The following SCARB1 variants were observed in gnomAD, a reference collection of about 807,000 sequenced individuals.
The protein encoded by SCARB1 is scavenger receptor class B member 1, also known as CD36 and LIMPII analogous 1.
SCARB1 carries 30 observed loss-of-function variants against 57.2 expected under a neutral mutation model. The observed-to-expected ratio is 0.52, with a 90% CI of 0.39 to 0.71. SCARB1 has a LOEUF of 0.71. Among genes scored for constraint, SCARB1 ranks in the 30% least tolerant of loss-of-function variants. The probability of loss-of-function intolerance (pLI) is 0.00; values close to 1 mark genes in which losing one functional copy is unlikely to be tolerated. For synonymous variants in SCARB1, 249 were observed against 268.3 expected, an observed-to-expected ratio of 0.93 and a Z score of 0.70; for missense variants, 543 against 671.2, an observed-to-expected ratio of 0.81 and a Z score of 2.11.
Position 124,807,826 on chromosome 12 carries a change from G to C in SCARB1, c.944C>G (p.Pro315Arg). 5.0e-6 allele frequency: 8 copies of C among 1,614,172 alleles called. No individual in the cohort carries two copies. Among genetic ancestry groups the C allele is most frequent in the Non-Finnish European group, 6.8e-6 (8 of 1,180,008 alleles). Residue 315 changes from proline (P) to arginine (R), a missense_variant, in exon 7 of 13, where the codon CCA becomes CGA. Physicochemically the swap from Pro to Arg is moderately radical, Grantham distance 103. Coordinates refer to ENST00000261693, the MANE Select transcript of SCARB1 (RefSeq NM_005505.5). The surrounding 1 kb of genome is among the most constrained non-coding windows in gnomAD (Gnocchi z 5.3). ...KTLFANGSIY[P>R]PNEGFCPCLE... ...GCACGGGCAGAAGCCTTCGTTGGGT[G>C]GGTAGATGGACCCGTTGGCAAACAG... is the stretch of plus-strand genomic sequence containing the variant.
At chr12:124,836,021 G>GCATT (rs771635903) in intron 1 of SCARB1, among the ~76,000 whole-genome samples, 19 of 152,174 alleles carry the variant, frequency 1.2e-4, no homozygotes, top group African/African-American at 1.4e-4. Flanking sequence ...TGAGAACGTG[G>GCATT]CATTCATTCA....
chr12:124,815,527 C>T (rs1950678309), intron 2 of SCARB1, among the ~76,000 whole-genome samples: 1 of 152,202 alleles, frequency 6.6e-6, no homozygotes, highest in Non-Finnish European at 1.5e-5. Flanking sequence ...CTTATGATCT[C>T]TCATCTCTCC....
chr12:124,850,960 C>A (rs935815091), intron 1 of SCARB1, among the ~76,000 whole-genome samples: 1 of 152,184 alleles, frequency 6.6e-6, no homozygotes, highest in Non-Finnish European at 1.5e-5. Context: ...TCTCTGTGGG[C>A]AAGAACTACT....
chr12:124,789,147 C>G lies in SCARB1; in HGVS notation c.1203-1690G>C, dbSNP rs1322079287. ...ACTGCAGAAACGTCACAGGCATGAC[C>G]TCATCCAGGCTATCAAGGTCGACAT... On this transcript the variant is annotated intron_variant, in intron 9 of 12. Transcript: ENST00000261693. The surrounding 1 kb of genome is among the most constrained non-coding windows in gnomAD (Gnocchi z 4.4). 6.6e-6 allele frequency among the ~76,000 whole-genome samples: 1 copy of G among 152,130 alleles called. No individual in the cohort carries two copies. The highest frequency in any genetic ancestry group is 1.5e-5 in the Non-Finnish European group (1 of 68,026).
At chr12:124,788,927 T>A (rs2135550793) in intron 9 of SCARB1, among the ~76,000 whole-genome samples, 1 of 152,172 alleles carries the variant, frequency 6.6e-6, no homozygotes, top group East Asian at 1.9e-4. Context: ...TATATGAATG[T>A]AAATAAGTAG....
At chr12:124,792,938 T>C (rs1352054893) in intron 9 of SCARB1, among the ~76,000 whole-genome samples, 4 of 152,006 alleles carry the variant, frequency 2.6e-5, no homozygotes, top group Non-Finnish European at 5.9e-5. Context: ...GTCACCCACT[T>C]GGCCCCAGTT....
rs943336906 is a variant in SCARB1, at chr12:124,817,277, T to C, written c.284+273A>G. Among the ~76,000 whole-genome samples, 1 of 148,066 alleles carries C rather than the reference T, an allele frequency of 6.8e-6. No homozygotes were observed. The highest frequency in any genetic ancestry group is 2.5e-5 in the African/African-American group (1 of 39,654). On this transcript the variant is annotated intron_variant, in intron 2 of 12. Coordinates refer to ENST00000261693, the MANE Select transcript of SCARB1 (RefSeq NM_005505.5). The surrounding 1 kb of genome is among the most constrained non-coding windows in gnomAD (Gnocchi z 4.8). Reference sequence around the variant, plus strand: ...ATTCGCACCTGTAATCCCAGCACTTTGAGAGGCTGAGGCGGAGGATCGCTT... The same window carrying C: ...ATTCGCACCTGTAATCCCAGCACTTCGAGAGGCTGAGGCGGAGGATCGCTT...
chr12:124,807,963 G>A lies in SCARB1; in HGVS notation c.843-36C>T. 6.2e-7 allele frequency: 1 copy of A among 1,609,448 alleles called. No homozygotes were observed. The highest frequency in any genetic ancestry group is 2.2e-5 in the East Asian group (1 of 44,852). Reference sequence around the variant, plus strand: ...CAGACAGGATGAGAGGGGACACCCAGACCCGGCGGCCAGAGCCAGGCCCTG... The same window carrying A: ...CAGACAGGATGAGAGGGGACACCCAAACCCGGCGGCCAGAGCCAGGCCCTG... On this transcript the variant is annotated intron_variant, in intron 6 of 12. Coordinates refer to ENST00000261693, the MANE Select transcript of SCARB1 (RefSeq NM_005505.5). This position sits in a 1 kb window ranked among gnomAD's most constrained non-coding sequence, Gnocchi z 5.3.
chr12:124,827,799 C>T (rs1056897659), intron 1 of SCARB1, among the ~76,000 whole-genome samples: 3 of 152,204 alleles, frequency 2.0e-5, no homozygotes, highest in East Asian at 1.9e-4. Flanking sequence ...AAACTCCTGA[C>T]CTCCCGACCT....
At chr12:124,795,941 GGTA>G (rs1176040837) in intron 8 of SCARB1, among the ~76,000 whole-genome samples, 3 of 152,058 alleles carry the variant, frequency 2.0e-5, no homozygotes, top group Non-Finnish European at 4.4e-5. Flanking sequence ...TCCTATTTGA[GGTA>G]GTAAGAAAAA....
chr12:124,811,995 AGGC>A, intron 4 of SCARB1, 30 bp from the exon 5 acceptor site: 1 of 1,560,356 alleles, frequency 6.4e-7, no homozygotes, highest in Non-Finnish European at 8.8e-7. Context: ...CAGCATCGTA[AGGC>A]TTAGGCCTGC....
chr12:124,834,721 A>G (rs1282276165), intron 1 of SCARB1, among the ~76,000 whole-genome samples: 1 of 152,186 alleles, frequency 6.6e-6, no homozygotes, highest in African/African-American at 2.4e-5. Context: ...TCTGGGCAAC[A>G]TAGCAAGATC....
In SCARB1 at chr12:124,810,214, G is replaced by C; in HGVS notation, c.802C>G (p.Pro268Ala). 1 of 1,614,132 alleles carries C rather than the reference G, an allele frequency of 6.2e-7. No homozygotes were observed. Among genetic ancestry groups the C allele is most frequent in the Non-Finnish European group, 8.5e-7 (1 of 1,179,960 alleles). The change falls in exon 6 of 13, where the codon CCT becomes GCT. Residue 268 changes from proline (P) to alanine (A), a missense_variant. Pro to Ala is a conservative substitution (Grantham distance 27). Transcript: ENST00000261693. This position sits in a 1 kb window ranked among gnomAD's most constrained non-coding sequence, Gnocchi z 4.0. ...CTGTAGAACTCCAGCGAGGACTCAGGAGTCATGAAGGGCGGCCACATTTGC... is the reference window on the plus strand; with the variant it reads ...CTGTAGAACTCCAGCGAGGACTCAGCAGTCATGAAGGGCGGCCACATTTGC... Reference protein sequence around the residue: ...SGQMWPPFMTPESSLEFYSPE... With the variant: ...SGQMWPPFMTAESSLEFYSPE...
At position 124,814,580 on chromosome 12, in the gene SCARB1, G is replaced by A. The variant is rs1950633043; in HGVS notation, c.427-175C>T. 6.6e-6 allele frequency among the ~76,000 whole-genome samples: 1 copy of A among 152,120 alleles called. No homozygotes were observed. Among genetic ancestry groups the A allele is most frequent in the Admixed American group, 6.5e-5 (1 of 15,270 alleles). Reference sequence around the variant, plus strand: ...ACCAGAACCACCCTCTGCTCCTCCAGTGCCAAGGCCACATGTGCTCCCGAG... The same window carrying A: ...ACCAGAACCACCCTCTGCTCCTCCAATGCCAAGGCCACATGTGCTCCCGAG... On this transcript the variant is annotated intron_variant, in intron 3 of 12. Transcript: ENST00000261693. The surrounding 1 kb of genome is among the most constrained non-coding windows in gnomAD (Gnocchi z 4.7).
chr12:124,841,859 A>G (rs1410555699), intron 1 of SCARB1, among the ~76,000 whole-genome samples: 4 of 151,810 alleles, frequency 2.6e-5, no homozygotes, highest in Non-Finnish European at 5.9e-5. Context: ...CACCTCTTCC[A>G]TGTGCTTCTC....
At chr12:124,825,150 A>C (rs12305799) in intron 1 of SCARB1, among the ~76,000 whole-genome samples, 181 of 146,362 alleles carry the variant, frequency 1.2e-3, no homozygotes, top group African/African-American at 4.3e-3. Flanking sequence ...GCTTGAATCC[A>C]GGAGGCGGAG....
Position 124,782,666 on chromosome 12 carries a change from C to T in SCARB1, c.*17G>A. 1.9e-6 allele frequency: 3 copies of T among 1,613,304 alleles called. No homozygotes were observed. The highest frequency in any genetic ancestry group is 1.7e-6 in the Non-Finnish European group (2 of 1,179,564). On this transcript the variant is annotated intron_variant, in intron 12 of 12. Transcript: ENST00000261693. ...TGGGAGGGGGCGGGGAGGCGCACGGCATTACCTGGTACCCACCTACAGTTT... is the reference window on the plus strand; with the variant it reads ...TGGGAGGGGGCGGGGAGGCGCACGGTATTACCTGGTACCCACCTACAGTTT...
rs189272644 is a variant in SCARB1, at chr12:124,791,708, G to A, written c.1202+3487C>T. ...GCAGTGGCTCACGCCTGTAATCCCA[G>A]CACTTTGGGAGGCTGAGGCAGGTGA... On this transcript the variant is annotated intron_variant, in intron 9 of 12. Transcript: ENST00000261693. Among the ~76,000 whole-genome samples the A allele has an allele frequency of 8.2e-3, 1,243 of 152,260 alleles. 21 individuals carry two copies. The highest frequency in any genetic ancestry group is 0.028 in the African/African-American group (1,183 of 41,514).
rs375977532 is a variant in SCARB1 at position 124,796,403 on chromosome 12, C to CTT, written c.1129-1137_1129-1136dup. ...CTATACCCAGCTCTTTTTAACGAGA[C>CTT]TTTTTTTTTTAAGTAAATAACCGAA... On this transcript the variant is annotated intron_variant, in intron 8 of 12. Coordinates refer to ENST00000261693, the MANE Select transcript of SCARB1 (RefSeq NM_005505.5). The surrounding 1 kb of genome is among the most constrained non-coding windows in gnomAD (Gnocchi z 4.0). 9.3e-5 allele frequency among the ~76,000 whole-genome samples: 14 copies of CTT among 149,828 alleles called. No individual in the cohort carries two copies. The highest frequency in any genetic ancestry group is 2.4e-4 in the African/African-American group (10 of 40,942).
Sources: gnomAD v4.1 joint callset for allele counts (sites outside exome capture counted in the v4.1 genomes callset) on GRCh38, gnomAD v4.1.1 for gene constraint, Gnocchi (gnomAD v3.1) non-coding constraint, MANE v1.5 for transcripts, NCBI Gene and HGNC (gene_info 2026-07-23, HGNC 2026-07-21) for gene names.